ZNF653: variants seen among roughly 807,000 people sequenced by gnomAD.
The protein encoded by ZNF653 is 67 kDa zinc finger protein.
ZNF653 carries 37 observed loss-of-function variants against 59.9 expected under a neutral mutation model. The ratio of observed to expected loss-of-function variants is 0.62; its 90% CI spans 0.48 to 0.81. The LOEUF is 0.81. Ranked by LOEUF, ZNF653 falls within the 40% of genes least tolerant of loss-of-function variation. ZNF653 has a pLI of 0.00. For synonymous variants in ZNF653, 435 were observed against 371.8 expected (o/e 1.17, Z -1.96); for missense variants, 808 against 881.1 (o/e 0.92, Z 1.05).
rs752213620 is a variant in ZNF653 at position 11,486,863 on chromosome 19, C to A, written c.1361G>T (p.Arg454Leu). ...GCCGTCAGCATCCATCACCCGCGAC[C>A]GCTTGCTCCGCCGCCTCCTGGAGGG... ...KEPEKRRRSK[R>L]SRVMDADGLL... is the part of the protein sequence containing the mutation. Residue 454 changes from arginine to leucine, a missense_variant, in exon 6 of 9, where the codon CGG becomes CTG. By Grantham distance (102) the Arg-to-Leu change is moderately radical. Coordinates refer to ENST00000293771, the MANE Select transcript of ZNF653 (RefSeq NM_138783.4). 11 of 1,610,948 alleles carry A rather than the reference C, an allele frequency of 6.8e-6. No homozygotes were observed. The highest frequency in any genetic ancestry group is 6.7e-5 in the African/African-American group (5 of 74,810).
At chr19:11,493,691 C>T (rs1971552848) in intron 3 of ZNF653, among the ~76,000 whole-genome samples, 1 of 152,150 alleles carries the variant, frequency 6.6e-6, no homozygotes, top group African/African-American at 2.4e-5. Flanking sequence ...TTGGCTGACC[C>T]CAGACTTCTC....
chr19:11,484,051 G>A lies in ZNF653; in HGVS notation c.1661C>T (p.Thr554Ile), dbSNP rs1264997290. 5 of 1,556,350 alleles carry A rather than the reference G, an allele frequency of 3.2e-6. No homozygotes were observed. The highest frequency in any genetic ancestry group is 3.5e-6 in the Non-Finnish European group (4 of 1,149,884). The change falls in exon 8 of 9, where the codon ACC (threonine) becomes ATC (isoleucine). Residue 554 changes from threonine to isoleucine, a missense_variant. Physicochemically the swap from Thr to Ile is moderately conservative, Grantham distance 89 (BLOSUM62 -1). Coordinates refer to ENST00000293771, the MANE Select transcript of ZNF653 (RefSeq NM_138783.4). The part of the protein sequence containing the change: ...EVHRRTHTGE[T>I]PLQCEICGYQ... ...GCGGCCTGTCACTCACTGCAGGGGG[G>A]TCTCGCCGGTGTGGGTGCGCCGATG...
intron 1 of ZNF653, among the ~76,000 whole-genome samples, chr19:11,502,648 T>C (rs908510637): frequency 8.6e-5 from 13 of 151,792 alleles, no homozygotes; most frequent in Middle Eastern, 3.4e-3. Context: ...CTGGGCAATA[T>C]AGCAAGACTG....
intron 1 of ZNF653, 124 bp downstream of exon 1, chr19:11,505,363 GC>G: frequency 9.5e-7 from 1 of 1,047,244 alleles, no homozygotes; most frequent in Non-Finnish European, 1.3e-6. Flanking sequence ...CAGGCCGCCG[GC>G]CCGGCTCCTG....
At position 11,487,819 on chromosome 19, in the gene ZNF653, G is replaced by A. The variant is rs139563115; in HGVS notation, c.644C>T (p.Pro215Leu). The A allele has an allele frequency of 1.8e-4, 294 of 1,611,932 alleles. 1 individual carries two copies. The African/African-American group carries it at 2.4e-3, about 13-fold the overall frequency. ...CGCTGCCGCTGCCGCAGCCTTGACC[G>A]GCTGGCCCTCAGGAGACTCCTCAGA... ...SDSEESPEGQ[P>L]VKAAAAAAAA... The change falls in exon 4 of 9, where the codon CCG (proline) becomes CTG (leucine). Residue 215 changes from proline (P) to leucine (L), a missense_variant. Coordinates refer to ENST00000293771, the MANE Select transcript of ZNF653 (RefSeq NM_138783.4). This position sits in a 1 kb window ranked among gnomAD's most constrained non-coding sequence, Gnocchi z 5.1.
chr19:11,490,656 G>A (rs541907951), intron 3 of ZNF653, among the ~76,000 whole-genome samples: 1 of 152,164 alleles, frequency 6.6e-6, no homozygotes, highest in Admixed American at 6.5e-5. Flanking sequence ...GCCTCCCAAA[G>A]TGCTGGGATT....
At position 11,505,783 on chromosome 19, in the gene ZNF653, C is replaced by G; in HGVS notation, c.4G>C (p.Ala2Pro). MAERALEPEAEA... is the reference protein window; with the variant it reads MPERALEPEAEA... Reference sequence around the variant, plus strand: ...GCCTCGGGCTCTAGCGCCCGCTCCGCCATCCCCCCCACCCTGGTTACCAGC... The same window carrying G: ...GCCTCGGGCTCTAGCGCCCGCTCCGGCATCCCCCCCACCCTGGTTACCAGC... The change falls in exon 1 of 9, where the codon GCG becomes CCG. Residue 2 changes from alanine to proline, a missense_variant. Transcript: ENST00000293771. 1 of 1,401,004 alleles carries G rather than the reference C, an allele frequency of 7.1e-7. No homozygotes were observed. Among genetic ancestry groups the G allele is most frequent in the South Asian group, 1.6e-5 (1 of 63,952 alleles). The allele number at this position is 1,401,004 out of a possible 1,614,324, so 86.8% of individuals were successfully genotyped here.
intron 8 of ZNF653, 67 bp from the exon 9 acceptor site, chr19:11,483,926 GC>G (rs1971436418): frequency 6.6e-7 from 1 of 1,516,774 alleles, no homozygotes; most frequent in Admixed American, 2.0e-5. Flanking sequence ...GCCCTACAAG[GC>G]CGAGCGCAGG....
intron 1 of ZNF653, among the ~76,000 whole-genome samples, chr19:11,502,800 G>A (rs1464860538): frequency 6.6e-6 from 1 of 152,184 alleles, no homozygotes; most frequent in Non-Finnish European, 1.5e-5. Flanking sequence ...TTGGGAGGCC[G>A]AGGCAGGCAG....
At chr19:11,491,594 CTT>C (rs113281174) in intron 3 of ZNF653, among the ~76,000 whole-genome samples, 4 of 147,650 alleles carry the variant, frequency 2.7e-5, no homozygotes, top group African/African-American at 9.9e-5. Flanking sequence ...CTTGAATCCT[CTT>C]TTTTTTTTTG....
intron 2 of ZNF653, among the ~76,000 whole-genome samples, 183 bp downstream of exon 2, chr19:11,498,113 A>G (rs1229084163): frequency 6.6e-6 from 1 of 152,192 alleles, no homozygotes; most frequent in Non-Finnish European, 1.5e-5. Flanking sequence ...CGGGAGCAAG[A>G]GAATGAGGGA....
intron 3 of ZNF653, 148 bp from the exon 4 acceptor site, chr19:11,488,051 G>A (rs1322149227): frequency 1.2e-5 from 9 of 781,840 alleles, no homozygotes; most frequent in South Asian, 1.3e-4. Flanking sequence ...GCAGTGGTGC[G>A]ATCTCAGCTC....
At chr19:11,494,949 T>C (rs1971569438) in intron 3 of ZNF653, among the ~76,000 whole-genome samples, 1 of 152,104 alleles carries the variant, frequency 6.6e-6, no homozygotes, top group South Asian at 2.1e-4. Context: ...ATGCAGATCA[T>C]GGGATGGGGC....
At chr19:11,494,935 C>T (rs1029271831) in intron 3 of ZNF653, among the ~76,000 whole-genome samples, 80 of 152,278 alleles carry the variant, frequency 5.3e-4, no homozygotes, top group African/African-American at 1.7e-3. Context: ...CAGAGGAGGG[C>T]GGAATGCAGA....
At chr19:11,488,925 A>C (rs1396498596) in intron 3 of ZNF653, among the ~76,000 whole-genome samples, 1 of 148,688 alleles carries the variant, frequency 6.7e-6, no homozygotes, top group Non-Finnish European at 1.5e-5. Context: ...TTTGAGACAG[A>C]GTTTCGTTCT....
At chr19:11,483,895 G>C (rs1178361044) in intron 8 of ZNF653, 36 bp from the exon 9 acceptor site, 11 of 1,441,098 alleles carry the variant, frequency 7.6e-6, no homozygotes, top group African/African-American at 1.4e-5. Context: ...GGCGGGGTCA[G>C]AGTGGGCGGG....
At chr19:11,489,151 C>T (rs1248834248) in intron 3 of ZNF653, among the ~76,000 whole-genome samples, 1 of 151,854 alleles carries the variant, frequency 6.6e-6, no homozygotes, top group Non-Finnish European at 1.5e-5. Flanking sequence ...CCATCCACCT[C>T]GGCTCCCCAA....
chr19:11,500,677 C>A (rs1184143186), intron 1 of ZNF653: 2 of 152,258 alleles, frequency 1.3e-5, no homozygotes, highest in African/African-American at 4.8e-5. Context: ...CATCCACTCA[C>A]CGCTGGAGGC....
chr19:11,486,991 C>T lies in ZNF653; in HGVS notation c.1339G>A (p.Glu447Lys). 3 of 1,613,836 alleles carry T rather than the reference C, an allele frequency of 1.9e-6. No homozygotes were observed. In the South Asian group the frequency reaches 3.3e-5, roughly 18 times the overall value. The change falls in exon 5 of 9, where the codon GAG becomes AAG. Residue 447 changes from glutamate (E) to lysine (K), a missense_variant. By Grantham distance (56) the Glu-to-Lys change is moderately conservative. Coordinates refer to ENST00000293771, the MANE Select transcript of ZNF653 (RefSeq NM_138783.4). ...AIIYEIPKEP[E>K]KRRRSKRSRV... The stretch of plus-strand genomic sequence containing the variant: ...CTTGCCCGCCCCGGCACCCACTTCT[C>T]AGGCTCCTTGGGGATTTCATAGATG...
Sources: gnomAD v4.1 joint callset for allele counts (sites outside exome capture counted in the v4.1 genomes callset) on GRCh38, gnomAD v4.1.1 for gene constraint, Gnocchi (gnomAD v3.1) non-coding constraint, MANE v1.5 for transcripts, NCBI Gene and HGNC (gene_info 2026-07-23, HGNC 2026-07-21) for gene names.